The following ABRAXAS2 variants were observed in gnomAD, a reference collection of about 807,000 sequenced individuals.
ABRAXAS2 encodes the protein abraxas 2, BRISC complex subunit, also known as BRISC complex subunit Abraxas 2.
ABRAXAS2 carries 23 observed loss-of-function variants against 49.0 expected under a neutral mutation model. That is an observed-to-expected ratio of 0.47 (90% CI 0.34 to 0.66). ABRAXAS2 has a LOEUF of 0.66. Among genes scored for constraint, ABRAXAS2 ranks in the 30% least tolerant of loss-of-function variants. ABRAXAS2 has a pLI of 0.01. For synonymous variants in ABRAXAS2, 168 were observed against 180.2 expected, an observed-to-expected ratio of 0.93 and a Z score of 0.54; for missense variants, 443 against 511.9, an observed-to-expected ratio of 0.87 and a Z score of 1.30.
Position 124,836,535 on chromosome 10 carries a change from A to G in ABRAXAS2, c.*1564A>G, listed in dbSNP as rs559378130. The G allele has an allele frequency of 6.5e-6, 1 of 152,686 alleles. No individual in the cohort carries two copies. Among genetic ancestry groups the G allele is most frequent in the Admixed American group, 6.5e-5 (1 of 15,288 alleles). The allele number at this position is 152,686 out of a possible 1,614,324, so 9.5% of individuals were successfully genotyped here. On this transcript the variant is annotated 3_prime_UTR_variant, in exon 9 of 9. Transcript: ENST00000298492. ...GCCAGTGTGAATTTATTTTTTTTTAAGTGCCATTACCGTCTCCTCTGTTCA... is the reference window on the plus strand; with the variant it reads ...GCCAGTGTGAATTTATTTTTTTTTAGGTGCCATTACCGTCTCCTCTGTTCA...
chr10:124,804,085 TACAG>T (rs1950724600), intron 1 of ABRAXAS2, among the ~76,000 whole-genome samples: 1 of 152,090 alleles, frequency 6.6e-6, no homozygotes, highest in Non-Finnish European at 1.5e-5. Context: ...AAAAAAAAAT[TACAG>T]ACAAGGTCTT....
At chr10:124,831,499 G>C (rs745730498) in intron 8 of ABRAXAS2, 36 bp downstream of exon 8, 13 of 1,173,576 alleles carry the variant, frequency 1.1e-5, no homozygotes, top group Non-Finnish European at 1.3e-5. Flanking sequence ...TCAGTATCAG[G>C]GAAATGTTGT....
chr10:124,827,167 T>A (rs1442531878), intron 5 of ABRAXAS2, among the ~76,000 whole-genome samples: 1 of 143,030 alleles, frequency 7.0e-6, no homozygotes, highest in African/African-American at 3.0e-5. Context: ...AGTGCATTTT[T>A]TTTTTTTTTT....
intron 3 of ABRAXAS2, among the ~76,000 whole-genome samples, chr10:124,818,125 G>A (rs1436702478): frequency 2.6e-5 from 4 of 152,006 alleles, no homozygotes; most frequent in Admixed American, 1.3e-4. Context: ...GGCCGGGTGC[G>A]GTGGCTCACG....
chr10:124,828,338 A>G (rs1380074583), intron 5 of ABRAXAS2, among the ~76,000 whole-genome samples: 2 of 152,118 alleles, frequency 1.3e-5, no homozygotes, highest in Non-Finnish European at 2.9e-5. Flanking sequence ...GGCACATGCC[A>G]CCACGCATGC....
At chr10:124,804,347 A>G (rs1950726244) in intron 1 of ABRAXAS2, among the ~76,000 whole-genome samples, 1 of 152,188 alleles carries the variant, frequency 6.6e-6, no homozygotes, top group South Asian at 2.1e-4. Flanking sequence ...GTATATCCCA[A>G]AACTTACAAA....
rs896643204 is a variant in ABRAXAS2, at chr10:124,835,993, G to T, written c.*1022G>T. ...AGTTGCCATTTGGGGAATAATTGCA[G>T]TATGTGTAGAGACTCTCTTGGGATG... On this transcript the variant is annotated 3_prime_UTR_variant, in exon 9 of 9. Coordinates refer to ENST00000298492, the MANE Select transcript of ABRAXAS2 (RefSeq NM_032182.4). 6.6e-6 allele frequency: 1 copy of T among 152,624 alleles called. No homozygotes were observed. The highest frequency in any genetic ancestry group is 2.4e-5 in the African/African-American group (1 of 41,446). The allele number at this position is 152,624 out of a possible 1,614,324, so 9.5% of individuals were successfully genotyped here. A position where few individuals can be genotyped will look rare whatever the true frequency, so the allele number is the denominator to read the frequency against.
At chr10:124,804,672 GAGT>G (rs1210600757) in intron 1 of ABRAXAS2, among the ~76,000 whole-genome samples, 2 of 123,878 alleles carry the variant, frequency 1.6e-5, no homozygotes, top group Non-Finnish European at 3.5e-5. Flanking sequence ...GGATCTCAGA[GAGT>G]TTTTTTTTTT....
At position 124,835,292 on chromosome 10, in the gene ABRAXAS2, C is replaced by T. The variant is rs1950962769; in HGVS notation, c.*321C>T. Reference sequence around the variant, plus strand: ...TTTAAAATAAATTGGAAATTAGAGACTAAGCACAATTAGTCTATAAATGTT... The same window carrying T: ...TTTAAAATAAATTGGAAATTAGAGATTAAGCACAATTAGTCTATAAATGTT... On this transcript the variant is annotated 3_prime_UTR_variant, in exon 9 of 9. Coordinates refer to ENST00000298492, the MANE Select transcript of ABRAXAS2 (RefSeq NM_032182.4). 1 of 202,294 alleles carries T rather than the reference C, an allele frequency of 4.9e-6. No homozygotes were observed. Among genetic ancestry groups the T allele is most frequent in the Non-Finnish European group, 1.0e-5 (1 of 100,320 alleles). The allele number at this position is 202,294 out of a possible 1,614,324, so 12.5% of individuals were successfully genotyped here.
intron 5 of ABRAXAS2, 93 bp downstream of exon 5, chr10:124,826,878 C>A: frequency 8.1e-7 from 1 of 1,241,216 alleles, no homozygotes; most frequent in Non-Finnish European, 1.1e-6. Flanking sequence ...CTTTGGAAGG[C>A]TGAGGCGGAT....
At chr10:124,824,016 C>G (rs1950879914) in intron 4 of ABRAXAS2, among the ~76,000 whole-genome samples, 1 of 152,168 alleles carries the variant, frequency 6.6e-6, no homozygotes, top group Non-Finnish European at 1.5e-5. Context: ...CTCCTGGGCT[C>G]AAGTGATCCC....
chr10:124,813,067 G>T (rs1950800318), intron 2 of ABRAXAS2, among the ~76,000 whole-genome samples: 1 of 152,130 alleles, frequency 6.6e-6, no homozygotes, highest in Non-Finnish European at 1.5e-5. Flanking sequence ...CAGGCGAGGT[G>T]GTGCACGCCT....
At chr10:124,827,973 T>C (rs1950907327) in intron 5 of ABRAXAS2, among the ~76,000 whole-genome samples, 1 of 152,206 alleles carries the variant, frequency 6.6e-6, no homozygotes, top group Admixed American at 6.5e-5. Context: ...TCACTGTGAG[T>C]ATACAAAAGA....
intron 2 of ABRAXAS2, among the ~76,000 whole-genome samples, chr10:124,807,141 T>A (rs538868726): frequency 6.6e-6 from 1 of 150,966 alleles, no homozygotes; most frequent in South Asian, 2.1e-4. Context: ...TGAAACCTCA[T>A]CTCTACTAAA....
intron 4 of ABRAXAS2, among the ~76,000 whole-genome samples, chr10:124,820,338 G>A (rs759043481): frequency 1.6e-4 from 24 of 152,196 alleles, no homozygotes; most frequent in Non-Finnish European, 3.1e-4. Flanking sequence ...CAGGCATCAC[G>A]TGGTCCAGTG....
At chr10:124,814,578 T>C (rs1355751434) in intron 2 of ABRAXAS2, among the ~76,000 whole-genome samples, 1 of 151,960 alleles carries the variant, frequency 6.6e-6, no homozygotes, top group Non-Finnish European at 1.5e-5. Flanking sequence ...TAACCTCAGG[T>C]GATCCACCCG....
chr10:124,832,399 G>A (rs1474765020), intron 8 of ABRAXAS2, among the ~76,000 whole-genome samples: 1 of 152,134 alleles, frequency 6.6e-6, no homozygotes, highest in Non-Finnish European at 1.5e-5. Flanking sequence ...ATTTATAAAT[G>A]TATGGCAGAT....
intron 2 of ABRAXAS2, among the ~76,000 whole-genome samples, chr10:124,810,092 CT>C (rs1421443946): frequency 6.6e-6 from 1 of 152,064 alleles, no homozygotes; most frequent in East Asian, 1.9e-4. Flanking sequence ...AGCTCATCAG[CT>C]AGTGTTAGTA....
At chr10:124,803,376 ATTTCAAT>A (rs1385179895) in intron 1 of ABRAXAS2, among the ~76,000 whole-genome samples, 2 of 152,212 alleles carry the variant, frequency 1.3e-5, no homozygotes, top group Non-Finnish European at 2.9e-5. Context: ...CTTGAAAATA[ATTTCAAT>A]TTTAAGGTTG....
Sources: allele counts gnomAD v4.1 joint callset (sites outside exome capture counted in the v4.1 genomes callset), GRCh38; gene constraint gnomAD v4.1.1; transcripts MANE v1.5; gene names NCBI Gene and HGNC (gene_info 2026-07-23, HGNC 2026-07-21).